The following MTHFD1L variants were observed in gnomAD, a reference collection of about 807,000 sequenced individuals.
MTHFD1L encodes methylenetetrahydrofolate dehydrogenase (NADP+ dependent) 1 like.
In MTHFD1L, 81 loss-of-function variants were observed where a neutral mutation model predicts 119.5. The observed-to-expected ratio is 0.68, with a 90% CI of 0.57 to 0.82. The LOEUF is 0.82. MTHFD1L is among the 40% of genes least tolerant of loss of function. The pLI is 0.00. For missense variants in MTHFD1L, 1,125 were observed against 1,253.4 expected (o/e 0.90, Z 1.55); for synonymous variants, 430 against 475.2 (o/e 0.90, Z 1.24).
intron 21 of MTHFD1L, 30 bp from the exon 22 acceptor site, chr6:151,013,749 T>C (rs1782620793): frequency 6.3e-7 from 1 of 1,591,538 alleles, no homozygotes; most frequent in African/African-American, 1.3e-5. Flanking sequence ...TTTATAGGAT[T>C]ATTCTTCATG....
intron 12 of MTHFD1L, 78 bp from the exon 13 acceptor site, chr6:150,938,621 C>CTG: frequency 6.7e-7 from 1 of 1,493,018 alleles, no homozygotes; most frequent in Non-Finnish European, 9.2e-7. Context: ...GTTTGGGGAG[C>CTG]TGTGTCCCTT....
At chr6:150,886,826 C>CA (rs1227775151) in intron 6 of MTHFD1L, among the ~76,000 whole-genome samples, 3 of 150,876 alleles carry the variant, frequency 2.0e-5, no homozygotes, top group African/African-American at 4.9e-5. Flanking sequence ...CCATCTCTAC[C>CA]AAAAAAAATT....
intron 26 of MTHFD1L, among the ~76,000 whole-genome samples, chr6:151,059,809 G>C (rs773003232): frequency 1.3e-5 from 2 of 152,198 alleles, no homozygotes; most frequent in Non-Finnish European, 1.5e-5. Context: ...GATGGTAAGG[G>C]AAGGCTCTAA....
chr6:150,999,241 C>G (rs868064513), intron 20 of MTHFD1L, among the ~76,000 whole-genome samples: 2 of 152,046 alleles, frequency 1.3e-5, no homozygotes, highest in Non-Finnish European at 1.5e-5. Context: ...ACTTCTTTCC[C>G]TTTTGGGTTT....
At chr6:150,891,943 G>A (rs931237833) in intron 7 of MTHFD1L, among the ~76,000 whole-genome samples, 8 of 152,170 alleles carry the variant, frequency 5.3e-5, no homozygotes, top group Non-Finnish European at 8.8e-5. Flanking sequence ...AATTGTAATC[G>A]TGCCAGGGAA....
intron 15 of MTHFD1L, 97 bp from the exon 16 acceptor site, chr6:150,948,934 C>T: frequency 2.9e-6 from 3 of 1,049,024 alleles, no homozygotes; most frequent in Middle Eastern, 2.7e-4. Context: ...AAGGCTTTAC[C>T]AATCATGGAG....
rs1443359630 is a variant in MTHFD1L at position 151,052,198 on chromosome 6, A to G, written c.2847+15081A>G. Among the ~76,000 whole-genome samples, 2 of 152,188 alleles carry G rather than the reference A, an allele frequency of 1.3e-5. 1 individual carries two copies. The highest frequency in any genetic ancestry group is 4.1e-4 in the South Asian group (2 of 4,822). On this transcript the variant is annotated intron_variant, in intron 26 of 27. Transcript: ENST00000367321. The stretch of plus-strand genomic sequence containing the variant: ...GAGGCTGACATTTGACTTCCTGCCA[A>G]GTTGGCCATCAGACAGTTAGAAATC...
intron 4 of MTHFD1L, among the ~76,000 whole-genome samples, chr6:150,880,511 A>G (rs1322911217): frequency 6.6e-6 from 1 of 152,118 alleles, no homozygotes; most frequent in Non-Finnish European, 1.5e-5. Flanking sequence ...ATTAATGGGC[A>G]TTTGGATTGG....
At chr6:150,908,535 G>C (rs1011638384) in intron 8 of MTHFD1L, among the ~76,000 whole-genome samples, 6 of 151,616 alleles carry the variant, frequency 4.0e-5, no homozygotes, top group African/African-American at 1.5e-4. Flanking sequence ...GCTGAGGCAG[G>C]AGAATGGCTT....
chr6:151,014,948 G>A lies in MTHFD1L; in HGVS notation c.2376G>A (p.Gly792=), dbSNP rs1421299429. ...QKQIQITQLF[G]VPVVVALNVF... ...AAATTCAGATCACTCAGCTCTTTGG[G>A]GTTCCCGTTGTGGTGGCTCTGAATG... The change falls in exon 23 of 28, where the codon GGG becomes GGA. Residue 792 remains glycine (G), a synonymous_variant. Coordinates refer to ENST00000367321, the MANE Select transcript of MTHFD1L (RefSeq NM_015440.5). 1.2e-6 allele frequency: 2 copies of A among 1,614,016 alleles called. No individual in the cohort carries two copies. Among genetic ancestry groups the A allele is most frequent in the Non-Finnish European group, 1.7e-6 (2 of 1,179,998 alleles).
rs374038347 is a variant in MTHFD1L at position 151,034,617 on chromosome 6, T to A, written c.2694+17T>A. ...ACTCAACAGGTAAAAGTTCTACTTTTAGGGGAAAAGAAAAAATTCACCTTA... is the reference window on the plus strand; with the variant it reads ...ACTCAACAGGTAAAAGTTCTACTTTAAGGGGAAAAGAAAAAATTCACCTTA... On this transcript the variant is annotated intron_variant, in intron 25 of 27. Transcript: ENST00000367321. The A allele has an allele frequency of 2.6e-6, 4 of 1,550,968 alleles. No individual in the cohort carries two copies. Among genetic ancestry groups the A allele is most frequent in the Non-Finnish European group, 2.7e-6 (3 of 1,124,966 alleles).
chr6:150,866,194 C>G (rs1431931922), intron 1 of MTHFD1L, 145 bp downstream of exon 1: 2 of 1,357,680 alleles, frequency 1.5e-6, no homozygotes, highest in African/African-American at 3.1e-5. Flanking sequence ...GGCGGTGTGT[C>G]GGGAAACGCG....
At chr6:151,072,773 A>C (rs1023370710) in intron 26 of MTHFD1L, among the ~76,000 whole-genome samples, 5 of 151,666 alleles carry the variant, frequency 3.3e-5, no homozygotes, top group Non-Finnish European at 5.9e-5. Context: ...CCTCCTCTGC[A>C]CTCCAGCCTG....
chr6:151,063,201 A>G (rs1344391395), intron 26 of MTHFD1L, among the ~76,000 whole-genome samples: 1 of 152,160 alleles, frequency 6.6e-6, no homozygotes. Flanking sequence ...TGTTTTTTCT[A>G]CAGTCACACA....
intron 1 of MTHFD1L, chr6:150,866,363 A>T: frequency 7.1e-7 from 1 of 1,416,338 alleles, no homozygotes; most frequent in Non-Finnish European, 9.1e-7. Context: ...GCTCTGATGC[A>T]ATCGCGCCGG....
intron 26 of MTHFD1L, among the ~76,000 whole-genome samples, chr6:151,073,474 GA>G (rs1277148512): frequency 2.4e-4 from 36 of 152,214 alleles, no homozygotes; most frequent in Non-Finnish European, 3.5e-4. Context: ...AAAGATCTAG[GA>G]AAATACCACC....
chr6:151,055,715 A>C (rs1789810033), intron 26 of MTHFD1L: 2 of 152,122 alleles, frequency 1.3e-5, no homozygotes, highest in South Asian at 4.2e-4. Context: ...TAGTAGAGAC[A>C]GAGTTTCTCC....
Position 151,039,397 on chromosome 6 carries a change from C to T in MTHFD1L, c.2847+2280C>T, listed in dbSNP as rs115897248. ...ATAATGCAAATACCCTATGTTTTGACGTGGTAGTGATTCCATGGCTATATA... is the reference window on the plus strand; with the variant it reads ...ATAATGCAAATACCCTATGTTTTGATGTGGTAGTGATTCCATGGCTATATA... On this transcript the variant is annotated intron_variant, in intron 26 of 27. Coordinates refer to ENST00000367321, the MANE Select transcript of MTHFD1L (RefSeq NM_015440.5). This position sits in a 1 kb window ranked among gnomAD's most constrained non-coding sequence, Gnocchi z 4.4. 8.4e-3 allele frequency among the ~76,000 whole-genome samples: 1,276 copies of T among 152,148 alleles called. 12 individuals are homozygous for T. The highest frequency in any genetic ancestry group is 0.028 in the African/African-American group (1,178 of 41,482).
rs763510242 is a variant in MTHFD1L at position 150,960,178 on chromosome 6, G to A, written c.1804-97G>A. 986 of 1,461,614 alleles carry A rather than the reference G, an allele frequency of 6.7e-4. 2 individuals are homozygous for A. The highest frequency in any genetic ancestry group is 8.7e-4 in the Non-Finnish European group (951 of 1,090,770). 90.5% of individuals were successfully genotyped at this position (1,461,614 alleles called of 1,614,324 possible). ...GGCCTTTTGAGGGTAGACTCTCTGG[G>A]CCTGTGGTTGCTTCATGGCTGAAGT... On this transcript the variant is annotated intron_variant, in intron 17 of 27. Coordinates refer to ENST00000367321, the MANE Select transcript of MTHFD1L (RefSeq NM_015440.5).
Sources: allele counts gnomAD v4.1 joint callset (sites outside exome capture counted in the v4.1 genomes callset), GRCh38; gene constraint gnomAD v4.1.1; non-coding constraint Gnocchi (gnomAD v3.1); transcripts MANE v1.5; gene names NCBI Gene and HGNC (gene_info 2026-07-23, HGNC 2026-07-21).